BSN: variants seen among roughly 807,000 people sequenced by gnomAD.
BSN encodes the protein bassoon presynaptic cytomatrix protein.
BSN carries 57 observed loss-of-function variants against 264.8 expected under a neutral mutation model. The observed-to-expected ratio is 0.22, with a 90% CI of 0.17 to 0.27. The LOEUF is 0.27. BSN is among the 10% of genes least tolerant of loss of function. The pLI, the probability that BSN is intolerant of heterozygous loss-of-function variation, is 1.00. For synonymous variants in BSN, 2,059 were observed against 2,137.3 expected, an observed-to-expected ratio of 0.96 and a Z score of 1.01; for missense variants, 4,615 against 5,232.5, an observed-to-expected ratio of 0.88 and a Z score of 3.64.
chr3:49,574,630 C>CTTTTTTTT (rs60300269), intron 1 of BSN, among the ~76,000 whole-genome samples: 3 of 51,920 alleles, frequency 5.8e-5, no homozygotes, highest in Non-Finnish European at 1.0e-4. Flanking sequence ...GGTGGGGTTT[C>CTTTTTTTT]TTTTTTTTTT....
intron 1 of BSN, among the ~76,000 whole-genome samples, chr3:49,620,197 C>T (rs910725974): frequency 1.3e-5 from 2 of 151,998 alleles, no homozygotes; most frequent in African/African-American, 2.4e-5. Context: ...AAATCCGAGG[C>T]GGGCGGATCA....
chr3:49,610,425 A>C (rs917466879), intron 1 of BSN, among the ~76,000 whole-genome samples: 4 of 152,056 alleles, frequency 2.6e-5, no homozygotes, highest in Non-Finnish European at 5.9e-5. Flanking sequence ...TCTACTAAAA[A>C]TACAAAAAAT....
Position 49,651,268 on chromosome 3 carries a change from C to T in BSN, c.1986+189C>T. The stretch of plus-strand genomic sequence containing the variant: ...ACGCTTGGAGACTGTGGGTTTTACA[C>T]TGGTGCTGTGTCTGGCACCTTGTCA... On this transcript the variant is annotated intron_variant, in intron 4 of 11. Transcript: ENST00000296452. The surrounding 1 kb of genome is among the most constrained non-coding windows in gnomAD (Gnocchi z 5.4). The T allele has an allele frequency of 4.6e-6, 3 of 656,244 alleles. No homozygotes were observed. Among genetic ancestry groups the T allele is most frequent in the Non-Finnish European group, 7.6e-6 (3 of 397,290 alleles). 40.7% of individuals were successfully genotyped at this position (656,244 alleles called of 1,614,324 possible).
rs948497460 is a variant in BSN, at chr3:49,557,107, G to A, written c.224+2281G>A. 2.0e-5 allele frequency among the ~76,000 whole-genome samples: 3 copies of A among 152,300 alleles called. No individual in the cohort carries two copies. In the South Asian group the frequency reaches 6.2e-4, roughly 32 times the overall value. On this transcript the variant is annotated intron_variant, in intron 1 of 11. Coordinates refer to ENST00000296452, the MANE Select transcript of BSN (RefSeq NM_003458.4). The stretch of plus-strand genomic sequence containing the variant: ...TGACTTGAATCCCATGAGTAGCAGT[G>A]CTGCCACACCCATAGTGGTGCCTCT...
chr3:49,621,421 C>T (rs2052304623), intron 1 of BSN, among the ~76,000 whole-genome samples: 1 of 152,082 alleles, frequency 6.6e-6, no homozygotes, highest in African/African-American at 2.4e-5. Context: ...GAAGAATCTG[C>T]AGAAGAGATT....
intron 2 of BSN, chr3:49,640,439 A>C (rs1035747156): frequency 6.6e-6 from 1 of 152,220 alleles, no homozygotes; most frequent in African/African-American, 2.4e-5. Flanking sequence ...AATAAGCACT[A>C]TGGAGAAAAT....
chr3:49,589,849 T>TC (rs2051964658), intron 1 of BSN, among the ~76,000 whole-genome samples: 2 of 148,466 alleles, frequency 1.3e-5, no homozygotes, highest in Non-Finnish European at 3.0e-5. Flanking sequence ...TCTTTGTTTT[T>TC]TTTTTTTGAG....
chr3:49,666,095 A>G (rs1290456531), intron 11 of BSN, among the ~76,000 whole-genome samples: 2 of 152,184 alleles, frequency 1.3e-5, no homozygotes, highest in African/African-American at 2.4e-5. Flanking sequence ...ACCACTGACC[A>G]TCATCCCATA....
chr3:49,603,427 G>A (rs1402473699), intron 1 of BSN, among the ~76,000 whole-genome samples: 1 of 152,188 alleles, frequency 6.6e-6, no homozygotes, highest in Non-Finnish European at 1.5e-5. Context: ...CTTAGGAGTT[G>A]CCTGCTGAGG....
intron 1 of BSN, among the ~76,000 whole-genome samples, chr3:49,608,654 C>T (rs2052178824): frequency 6.6e-6 from 1 of 152,054 alleles, no homozygotes; most frequent in Non-Finnish European, 1.5e-5. Flanking sequence ...ATGGTGAAAC[C>T]CTGTCTCTAC....
At chr3:49,620,160 G>C (rs1414832654) in intron 1 of BSN, among the ~76,000 whole-genome samples, 1 of 152,094 alleles carries the variant, frequency 6.6e-6, no homozygotes, top group Non-Finnish European at 1.5e-5. Context: ...AACTTGAGAG[G>C]GAGCAAGTGT....
rs751585229 is a variant in BSN at position 49,663,850 on chromosome 3, C to T, written c.11572C>T (p.Pro3858Ser). The change falls in exon 8 of 12, where the codon CCT becomes TCT. Residue 3858 changes from proline to serine, a missense_variant. Physicochemically the swap from Pro to Ser is moderately conservative, Grantham distance 74 (BLOSUM62 -1). Coordinates refer to ENST00000296452, the MANE Select transcript of BSN (RefSeq NM_003458.4). ...TAKAPQQGRA[P>S]QAQPAPGPGP... ...CAAAGCACCGCAACAGGGGAGGGCT[C>T]CTCAGGCCCAGCCAGCACCAGGACC... 6 of 1,613,978 alleles carry T rather than the reference C, an allele frequency of 3.7e-6. No homozygotes were observed. Among genetic ancestry groups the T allele is most frequent in the Admixed American group, 1.7e-5 (1 of 60,004 alleles).
intron 2 of BSN, among the ~76,000 whole-genome samples, chr3:49,630,351 G>C (rs2052375788): frequency 6.6e-6 from 1 of 152,190 alleles, no homozygotes; most frequent in Admixed American, 6.5e-5. Flanking sequence ...GGCCCTTCAG[G>C]AGGCCTTTCT....
intron 1 of BSN, among the ~76,000 whole-genome samples, chr3:49,565,127 T>C (rs1235360885): frequency 4.0e-5 from 6 of 151,320 alleles, no homozygotes; most frequent in Non-Finnish European, 1.5e-5. Context: ...CTTTTTTTTT[T>C]TGGACTAGAG....
rs765506904 is a variant in BSN at position 49,595,765 on chromosome 3, G to A, written c.225-29210G>A. On this transcript the variant is annotated intron_variant, in intron 1 of 11. Transcript: ENST00000296452. ...TCACCTTCATTGTTTGTATGTAGATGTGTCATTGGCTTTTATGTGTTTATT... is the reference window on the plus strand; with the variant it reads ...TCACCTTCATTGTTTGTATGTAGATATGTCATTGGCTTTTATGTGTTTATT... Among the ~76,000 whole-genome samples the A allele has an allele frequency of 1.6e-4, 24 of 152,066 alleles. 1 individual carries two copies. The highest frequency in any genetic ancestry group is 3.2e-4 in the Non-Finnish European group (22 of 68,012).
chr3:49,641,103 G>C (rs1047440941), intron 2 of BSN, among the ~76,000 whole-genome samples: 1 of 152,162 alleles, frequency 6.6e-6, no homozygotes. Flanking sequence ...TCCACTTAGA[G>C]TGTTTGATCC....
chr3:49,570,697 A>G (rs140419140), intron 1 of BSN, among the ~76,000 whole-genome samples: 2 of 152,244 alleles, frequency 1.3e-5, no homozygotes, highest in East Asian at 1.9e-4. Flanking sequence ...GAAAGCAAAC[A>G]TGTTCTCCCT....
downstream of BSN, among the ~76,000 whole-genome samples, chr3:49,671,766 C>A (rs2052769078): frequency 1.3e-5 from 2 of 152,242 alleles, no homozygotes; most frequent in African/African-American, 4.8e-5. The surrounding 1 kb of genome is among the most constrained non-coding windows in gnomAD (Gnocchi z 4.1). Context: ...GGACCTGGAG[C>A]AGGCAGTCAG....
In BSN at chr3:49,658,039, T is replaced by G. The variant is rs755739318; in HGVS notation, c.8483T>G (p.Phe2828Cys). The change falls in exon 5 of 12, where the codon TTC becomes TGC. Residue 2828 changes from phenylalanine (F) to cysteine (C), a missense_variant. Physicochemically the swap from Phe to Cys is radical, Grantham distance 205. Transcript: ENST00000296452. ...NKAHVSPQKH[F>C]TADSALRQQT... The stretch of plus-strand genomic sequence containing the variant: ...GCTCACGTGAGTCCCCAGAAGCACT[T>G]CACGGCTGACAGCGCTCTCCGCCAG... The G allele has an allele frequency of 1.2e-6, 2 of 1,613,514 alleles. No individual in the cohort carries two copies. Among genetic ancestry groups the G allele is most frequent in the South Asian group, 2.2e-5 (2 of 91,070 alleles).
Sources: allele counts gnomAD v4.1 joint callset (sites outside exome capture counted in the v4.1 genomes callset), GRCh38; gene constraint gnomAD v4.1.1; non-coding constraint Gnocchi (gnomAD v3.1); transcripts MANE v1.5; gene names NCBI Gene and HGNC (gene_info 2026-07-23, HGNC 2026-07-21).